Variants in CHRM3 observed in about 807,000 individuals in gnomAD.
The protein encoded by CHRM3 is cholinergic receptor muscarinic 3.
CHRM3 carries 11 observed loss-of-function variants against 41.8 expected under a neutral mutation model. That is an observed-to-expected ratio of 0.26 (90% confidence interval 0.17 to 0.44). The LOEUF is 0.44. Ranked by LOEUF, CHRM3 falls within the 20% of genes least tolerant of loss-of-function variation. CHRM3 has a pLI of 1.00. For synonymous variants in CHRM3, 297 were observed against 301.4 expected, an observed-to-expected ratio of 0.99 and a Z score of 0.15; for missense variants, 571 against 745.4, an observed-to-expected ratio of 0.77 and a Z score of 2.72.
At chr1:239,773,803 G>A (rs184001802) in intron 5 of CHRM3, among the ~76,000 whole-genome samples, 18 of 152,218 alleles carry the variant, frequency 1.2e-4, no homozygotes, top group Admixed American at 8.5e-4. Flanking sequence ...GTAATTAAAG[G>A]AATCTGCATG....
At chr1:239,637,020 T>C (rs937829510) in intron 4 of CHRM3, among the ~76,000 whole-genome samples, 2 of 152,198 alleles carry the variant, frequency 1.3e-5, no homozygotes, top group Non-Finnish European at 2.9e-5. Flanking sequence ...ATCCTCGGTA[T>C]TAAAGGAAGA....
chr1:239,666,897 C>T (rs1466124650), intron 4 of CHRM3, among the ~76,000 whole-genome samples: 1 of 152,130 alleles, frequency 6.6e-6, no homozygotes, highest in Non-Finnish European at 1.5e-5. Context: ...GTTTAGCTCC[C>T]ACTTACAGGG....
intron 6 of CHRM3, among the ~76,000 whole-genome samples, chr1:239,832,734 G>A (rs1037850032): frequency 1.7e-4 from 26 of 151,730 alleles, no homozygotes; most frequent in South Asian, 2.1e-4. Context: ...AAAAGATCAT[G>A]GGGACATATG....
intron 1 of CHRM3, among the ~76,000 whole-genome samples, chr1:239,407,844 A>C (rs1204404314): frequency 6.6e-6 from 1 of 152,236 alleles, no homozygotes; most frequent in South Asian, 2.1e-4. Flanking sequence ...ATATACATTA[A>C]AAAGGAAGTA....
At chr1:239,744,869 A>G (rs1048876718) in intron 5 of CHRM3, among the ~76,000 whole-genome samples, 1 of 152,124 alleles carries the variant, frequency 6.6e-6, no homozygotes, top group Non-Finnish European at 1.5e-5. Flanking sequence ...GTTGTCCATG[A>G]AGAGATGATC....
At chr1:239,733,267 C>A (rs897055797) in intron 5 of CHRM3, among the ~76,000 whole-genome samples, 1 of 152,044 alleles carries the variant, frequency 6.6e-6, no homozygotes, top group African/African-American at 2.4e-5. Context: ...AAAGTGGAGA[C>A]TGGGTGTGGC....
chr1:239,684,424 T>A (rs1231815233), intron 5 of CHRM3, among the ~76,000 whole-genome samples: 1 of 152,036 alleles, frequency 6.6e-6, no homozygotes, highest in Non-Finnish European at 1.5e-5. Flanking sequence ...CTGGGCACAG[T>A]GGCTCACGCC....
At chr1:239,738,559 A>T (rs1664585304) in intron 5 of CHRM3, among the ~76,000 whole-genome samples, 1 of 152,196 alleles carries the variant, frequency 6.6e-6, no homozygotes, top group South Asian at 2.1e-4. Flanking sequence ...CTTCCCTAGG[A>T]AAGTGTGACT....
At chr1:239,654,049 C>A (rs905709401) in intron 4 of CHRM3, among the ~76,000 whole-genome samples, 2 of 152,202 alleles carry the variant, frequency 1.3e-5, no homozygotes, top group African/African-American at 4.8e-5. Flanking sequence ...GCAGCCTCAA[C>A]TTCCCAGGCT....
chr1:239,425,112 C>T (rs1662265612), intron 1 of CHRM3, among the ~76,000 whole-genome samples: 1 of 151,966 alleles, frequency 6.6e-6, no homozygotes, highest in Admixed American at 6.5e-5. Context: ...GTGGTTCACA[C>T]AAAAAATGAC....
rs184497572 is a variant in CHRM3 at position 239,800,061 on chromosome 1, T to C, written c.-146-27191T>C. ...TTGCTTTTCCATACACTAATGATAG[T>C]GTGTGAATGTAAAAATGATAGATGA... is the stretch of plus-strand genomic sequence containing the variant. On this transcript the variant is annotated intron_variant, in intron 5 of 6. Coordinates refer to ENST00000676153, the MANE Select transcript of CHRM3 (RefSeq NM_001375978.1). 7.5e-4 allele frequency among the ~76,000 whole-genome samples: 114 copies of C among 152,282 alleles called. 2 individuals carry two copies. The highest frequency in any genetic ancestry group is 4.8e-3 in the Admixed American group (73 of 15,292).
chr1:239,589,762 T>C (rs1167574992), intron 3 of CHRM3, among the ~76,000 whole-genome samples: 1 of 149,758 alleles, frequency 6.7e-6, no homozygotes, highest in Non-Finnish European at 1.5e-5. Flanking sequence ...GGCAAAAAGA[T>C]GTCTACACAG....
In CHRM3 at chr1:239,387,387, G is replaced by A. The variant is rs865981419; in HGVS notation, c.-521+160G>A. ...TCCAAAGAAGGGGCTGGGTAGGGAC[G>A]AGAGAGGCTGTTGATTTGGGGAAGA... On this transcript the variant is annotated intron_variant, in intron 1 of 6. Transcript: ENST00000676153. The surrounding 1 kb of genome is among the most constrained non-coding windows in gnomAD (Gnocchi z 5.1). Among the ~76,000 whole-genome samples the A allele has an allele frequency of 2.0e-5, 3 of 152,034 alleles. No homozygotes were observed. The highest frequency in any genetic ancestry group is 7.2e-5 in the African/African-American group (3 of 41,412).
At chr1:239,855,888 G>A (rs1458453665) in intron 6 of CHRM3, among the ~76,000 whole-genome samples, 1 of 152,136 alleles carries the variant, frequency 6.6e-6, no homozygotes, top group Non-Finnish European at 1.5e-5. Context: ...CTTGGTTGTA[G>A]ACATCTATAT....
intron 1 of CHRM3, among the ~76,000 whole-genome samples, chr1:239,483,745 T>C (rs903451852): frequency 6.6e-6 from 1 of 152,154 alleles, no homozygotes; most frequent in Admixed American, 6.6e-5. Flanking sequence ...GTTAATAAAG[T>C]AGAGACAAAT....
chr1:239,589,195 A>G (rs1663787389), intron 3 of CHRM3, among the ~76,000 whole-genome samples: 1 of 152,086 alleles, frequency 6.6e-6, no homozygotes, highest in South Asian at 2.1e-4. Context: ...CAGCCTCCCA[A>G]ATTGCTGGGA....
intron 6 of CHRM3, among the ~76,000 whole-genome samples, chr1:239,853,259 T>G (rs2149233405): frequency 1.3e-5 from 2 of 152,076 alleles, no homozygotes; most frequent in East Asian, 3.9e-4. Flanking sequence ...AGTTTTTAAA[T>G]ATGTGAAGAG....
At chr1:239,701,529 C>T (rs1041847766) in intron 5 of CHRM3, among the ~76,000 whole-genome samples, 5 of 152,040 alleles carry the variant, frequency 3.3e-5, no homozygotes. Context: ...GACAGCTGTC[C>T]CTCATCAAAT....
intron 5 of CHRM3, among the ~76,000 whole-genome samples, chr1:239,718,503 G>C (rs1366010392): frequency 6.6e-6 from 1 of 151,982 alleles, no homozygotes; most frequent in Non-Finnish European, 1.5e-5. Context: ...AATACTCTGG[G>C]TCAGGAGTAA....
Sources: allele counts gnomAD v4.1 joint callset (sites outside exome capture counted in the v4.1 genomes callset), GRCh38; gene constraint gnomAD v4.1.1; non-coding constraint Gnocchi (gnomAD v3.1); transcripts MANE v1.5; gene names NCBI Gene and HGNC (gene_info 2026-07-23, HGNC 2026-07-21).